MYH15: variants seen among roughly 807,000 people sequenced by gnomAD.
The protein encoded by MYH15 is myosin heavy chain 15.
MYH15 carries 227 observed loss-of-function variants against 240.5 expected under a neutral mutation model. That is an observed-to-expected ratio of 0.94 (90% CI 0.85 to 1.05). The LOEUF is 1.05. MYH15 is among the 50% of genes least tolerant of loss of function. The probability of loss-of-function intolerance (pLI) is 0.00; values close to 1 mark genes in which losing one functional copy is unlikely to be tolerated. For missense variants in MYH15, 2,217 were observed against 2,247.5 expected, an observed-to-expected ratio of 0.99 and a Z score of 0.27; for synonymous variants, 785 against 796.7, an observed-to-expected ratio of 0.99 and a Z score of 0.25.
At chr3:108,506,711 C>T (rs542537737) in intron 1 of MYH15, among the ~76,000 whole-genome samples, 2 of 152,170 alleles carry the variant, frequency 1.3e-5, no homozygotes, top group African/African-American at 4.8e-5. Context: ...ATAGCAAGAC[C>T]CTTTACTCCC....
intron 36 of MYH15, 36 bp from the exon 37 acceptor site, chr3:108,391,966 C>A: frequency 3.1e-6 from 5 of 1,602,612 alleles, no homozygotes; most frequent in Non-Finnish European, 4.3e-6. Flanking sequence ...GCTAGTTCAG[C>A]AGTCAATTGA....
At chr3:108,418,756 C>T (rs1047183922) in intron 28 of MYH15, among the ~76,000 whole-genome samples, 2 of 3,426 alleles carry the variant, frequency 5.8e-4, no homozygotes, top group Non-Finnish European at 6.2e-4. Context: ...CTCAGCCTCC[C>T]GTGTTGTTGT....
the MYH15 span, among the ~76,000 whole-genome samples, chr3:108,544,607 A>G: frequency 6.6e-6 from 1 of 152,192 alleles, no homozygotes; most frequent in Non-Finnish European, 1.5e-5. Context: ...CATTCAGACT[A>G]AATGGCTCAG....
intron 1 of MYH15, among the ~76,000 whole-genome samples, chr3:108,524,751 CA>C (rs2107271970): frequency 6.6e-6 from 1 of 152,086 alleles, no homozygotes; most frequent in South Asian, 2.1e-4. Context: ...TTAAATACGG[CA>C]GAAGTTTATT....
At chr3:108,513,629 T>A (rs1337093079), upstream of MYH15, among the ~76,000 whole-genome samples, 1 of 152,164 alleles carries the variant, frequency 6.6e-6, no homozygotes, top group African/African-American at 2.4e-5. Flanking sequence ...CATTAATATT[T>A]AAATCAGGAC....
At chr3:108,453,927 A>C (rs2082997227) in intron 21 of MYH15, 79 bp downstream of exon 21, 1 of 1,434,078 alleles carries the variant, frequency 7.0e-7, no homozygotes, top group Admixed American at 1.9e-5. Flanking sequence ...TTGACCTACT[A>C]TAAGGCAATG....
chr3:108,532,476 C>A (rs1023034654), upstream of MYH15, among the ~76,000 whole-genome samples: 35 of 152,186 alleles, frequency 2.3e-4, no homozygotes, highest in Admixed American at 2.0e-3. Flanking sequence ...AGCTTTCAAA[C>A]TGGAACTTAC....
At chr3:108,485,007 G>C (rs2083293913) in intron 11 of MYH15, 84 bp downstream of exon 11, 5 of 1,415,092 alleles carry the variant, frequency 3.5e-6, no homozygotes, top group Admixed American at 4.2e-5. Context: ...TTAAGTAAGA[G>C]ATGAAGTTAA....
At chr3:108,474,931 G>A (rs2083207891) in intron 12 of MYH15, among the ~76,000 whole-genome samples, 1 of 152,166 alleles carries the variant, frequency 6.6e-6, no homozygotes, top group Admixed American at 6.6e-5. Flanking sequence ...CACAGTTCAT[G>A]CTTCAAAGAG....
upstream of MYH15, among the ~76,000 whole-genome samples, chr3:108,515,371 A>G (rs889298581): frequency 6.6e-6 from 1 of 152,146 alleles, no homozygotes; most frequent in Non-Finnish European, 1.5e-5. Flanking sequence ...GGATGAGGAG[A>G]AGCAGCAATA....
At chr3:108,403,179 C>G (rs1423850140) in intron 33 of MYH15, among the ~76,000 whole-genome samples, 1 of 152,166 alleles carries the variant, frequency 6.6e-6, no homozygotes, top group East Asian at 1.9e-4. Flanking sequence ...CAACAGGCCT[C>G]CAGGCTGGGC....
chr3:108,412,347 C>T (rs1470582312), intron 30 of MYH15, among the ~76,000 whole-genome samples: 1 of 152,190 alleles, frequency 6.6e-6, no homozygotes, highest in Non-Finnish European at 1.5e-5. Flanking sequence ...CTCTTCCTGC[C>T]ACCATGTGAA....
At chr3:108,389,112 C>A (rs1316116480) in intron 37 of MYH15, 38 bp from the exon 38 acceptor site, 2 of 1,567,272 alleles carry the variant, frequency 1.3e-6, no homozygotes, top group Non-Finnish European at 1.8e-6. Flanking sequence ...GACGCTGCCA[C>A]CAAGTCTGGC....
chr3:108,452,404 A>T (rs2082981929), intron 21 of MYH15, among the ~76,000 whole-genome samples: 1 of 152,222 alleles, frequency 6.6e-6, no homozygotes, highest in East Asian at 1.9e-4. Context: ...AACAAAAAAA[A>T]AGGAAATAAC....
chr3:108,436,644 T>G (rs1470892541), intron 25 of MYH15, among the ~76,000 whole-genome samples: 1 of 152,192 alleles, frequency 6.6e-6, no homozygotes, highest in Non-Finnish European at 1.5e-5. Flanking sequence ...GTTCAAGCGA[T>G]TCTCCTGCCT....
At chr3:108,451,296 C>T (rs2082971778) in intron 21 of MYH15, among the ~76,000 whole-genome samples, 1 of 152,142 alleles carries the variant, frequency 6.6e-6, no homozygotes, top group Admixed American at 6.5e-5. Flanking sequence ...ACAATAATCA[C>T]TTGAACCAGG....
intron 25 of MYH15, 77 bp downstream of exon 25, chr3:108,437,477 G>A: frequency 6.5e-7 from 1 of 1,531,922 alleles, no homozygotes; most frequent in East Asian, 2.3e-5. Context: ...GGAGTCCTAA[G>A]GATAAATGAA....
intron 1 of MYH15, 142 bp downstream of exon 1, chr3:108,510,301 C>T: frequency 9.1e-7 from 1 of 1,097,704 alleles, no homozygotes. Flanking sequence ...CCCTCAATTG[C>T]TCAGTTTCCT....
chr3:108,536,120 C>T, the MYH15 span, among the ~76,000 whole-genome samples: 5 of 152,068 alleles, frequency 3.3e-5, no homozygotes, highest in African/African-American at 1.2e-4. Context: ...CAAAAACTAG[C>T]CGGGGGTGGT....
Sources: gnomAD v4.1 joint callset for allele counts (sites outside exome capture counted in the v4.1 genomes callset) on GRCh38, gnomAD v4.1.1 for gene constraint, MANE v1.5 for transcripts, NCBI Gene and HGNC (gene_info 2026-07-23, HGNC 2026-07-21) for gene names.